Variants in KAZN observed in about 807,000 individuals in gnomAD.
KAZN encodes kazrin.
Under a neutral mutation model 87.4 loss-of-function variants are expected in KAZN, and 40 were observed. The observed-to-expected ratio is 0.46, with a 90% CI of 0.36 to 0.60. KAZN has a LOEUF of 0.60. KAZN is among the 20% of genes least tolerant of loss of function. KAZN has a pLI of 0.00. For missense variants in KAZN, 898 were observed against 1,073.9 expected, an observed-to-expected ratio of 0.84 and a Z score of 2.29; for synonymous variants, 466 against 458.3, an observed-to-expected ratio of 1.02 and a Z score of -0.22.
intron 2 of KAZN, among the ~76,000 whole-genome samples, chr1:14,992,639 G>A (rs1573002895): frequency 6.6e-6 from 1 of 152,012 alleles, no homozygotes; most frequent in Non-Finnish European, 1.5e-5. Context: ...AGCCTTTATT[G>A]TTTTTTTGTT....
At chr1:14,834,894 A>AAAG (rs1647177148) in intron 1 of KAZN, among the ~76,000 whole-genome samples, 1 of 152,192 alleles carries the variant, frequency 6.6e-6, no homozygotes, top group African/African-American at 2.4e-5. Flanking sequence ...CAGTAGATTT[A>AAAG]AAGTGCTGGT....
intron 1 of KAZN, among the ~76,000 whole-genome samples, chr1:14,098,914 A>G (rs1380607243): frequency 6.6e-6 from 1 of 152,202 alleles, no homozygotes; most frequent in East Asian, 1.9e-4. Flanking sequence ...TGGAATTCAG[A>G]GGCCAGGGAG....
intron 1 of KAZN, among the ~76,000 whole-genome samples, chr1:14,149,490 C>T (rs1374388271): frequency 2.0e-5 from 3 of 152,100 alleles, no homozygotes; most frequent in Non-Finnish European, 2.9e-5. Flanking sequence ...CAAGTCTTTC[C>T]GGAGTTCTGG....
chr1:14,847,958 C>A (rs183095494), intron 1 of KAZN, among the ~76,000 whole-genome samples: 3 of 152,052 alleles, frequency 2.0e-5, no homozygotes, highest in Non-Finnish European at 4.4e-5. Flanking sequence ...CCATCCTGGG[C>A]GACAGAGTGA....
chr1:14,725,997 C>T (rs1349897570), intron 1 of KAZN, among the ~76,000 whole-genome samples: 1 of 152,186 alleles, frequency 6.6e-6, no homozygotes, highest in African/African-American at 2.4e-5. Flanking sequence ...ACTGTTATCT[C>T]TTGGCTTCAG....
At chr1:14,228,859 A>G (rs1414823349) in intron 2 of KAZN, among the ~76,000 whole-genome samples, 1 of 152,224 alleles carries the variant, frequency 6.6e-6, no homozygotes, top group Admixed American at 6.5e-5. Flanking sequence ...TGTCATCTCC[A>G]TGCCATTAGG....
intron 2 of KAZN, among the ~76,000 whole-genome samples, chr1:14,241,419 T>A (rs1324212694): frequency 6.6e-6 from 1 of 152,178 alleles, no homozygotes; most frequent in Non-Finnish European, 1.5e-5. Flanking sequence ...TCTCTCTCTC[T>A]CCTACTGGCC....
At chr1:14,727,450 C>CTTTTT (rs57203868) in intron 1 of KAZN, among the ~76,000 whole-genome samples, 12 of 73,918 alleles carry the variant, frequency 1.6e-4, no homozygotes, top group Non-Finnish European at 2.6e-4. Flanking sequence ...TGTGCACTTT[C>CTTTTT]TTTTTTTTTT....
chr1:14,942,743 G>A (rs1661241700), intron 1 of KAZN, among the ~76,000 whole-genome samples: 1 of 152,172 alleles, frequency 6.6e-6, no homozygotes, highest in South Asian at 2.1e-4. Context: ...GGCACTTCTT[G>A]GGCTTAGAGC....
chr1:15,089,194 G>A (rs1010735774), intron 8 of KAZN, among the ~76,000 whole-genome samples: 2 of 152,126 alleles, frequency 1.3e-5, no homozygotes, highest in Non-Finnish European at 2.9e-5. Context: ...GGACTCAGGA[G>A]CAGCAGCCAA....
intron 4 of KAZN, among the ~76,000 whole-genome samples, chr1:15,052,580 GTA>G (rs1557759655): frequency 6.6e-6 from 1 of 152,022 alleles, no homozygotes; most frequent in African/African-American, 2.4e-5. Context: ...TATTGCATGT[GTA>G]TGTGTGTGCA....
chr1:14,127,628 A>C (rs1644902872), intron 1 of KAZN, among the ~76,000 whole-genome samples: 1 of 152,134 alleles, frequency 6.6e-6, no homozygotes, highest in Non-Finnish European at 1.5e-5. Flanking sequence ...GATAACAGAT[A>C]ACACTCTAAA....
intron 2 of KAZN, among the ~76,000 whole-genome samples, chr1:14,300,658 C>A (rs988628378): frequency 6.6e-6 from 1 of 152,182 alleles, no homozygotes; most frequent in Admixed American, 6.5e-5. Flanking sequence ...AAGCACACTG[C>A]ACATGAGACA....
At chr1:14,455,028 T>C (rs1294361193) in intron 2 of KAZN, among the ~76,000 whole-genome samples, 1 of 150,504 alleles carries the variant, frequency 6.6e-6, no homozygotes, top group African/African-American at 2.4e-5. Flanking sequence ...TCCATAGAGC[T>C]GCTCATGACT....
At chr1:14,008,664 A>G (rs1485033789) in intron 1 of KAZN, among the ~76,000 whole-genome samples, 1 of 152,182 alleles carries the variant, frequency 6.6e-6, no homozygotes, top group Non-Finnish European at 1.5e-5. Flanking sequence ...CTTTAAAGCT[A>G]TGCTTTCATT....
chr1:14,702,083 G>A (rs1641954508), intron 1 of KAZN, among the ~76,000 whole-genome samples: 1 of 152,162 alleles, frequency 6.6e-6, no homozygotes, highest in African/African-American at 2.4e-5. Context: ...TCTGCTTTCT[G>A]GTTACTCATC....
At chr1:14,842,205 T>G (rs1648101505) in intron 1 of KAZN, among the ~76,000 whole-genome samples, 1 of 152,256 alleles carries the variant, frequency 6.6e-6, no homozygotes, top group South Asian at 2.1e-4. Flanking sequence ...GTTCACTCTT[T>G]TATACCCAGC....
intron 1 of KAZN, among the ~76,000 whole-genome samples, chr1:14,795,934 C>T (rs539977313): frequency 5.3e-5 from 8 of 152,294 alleles, no homozygotes; most frequent in African/African-American, 1.9e-4. Context: ...CATTCTTCCT[C>T]CCCGGGGCCT....
intron 2 of KAZN, among the ~76,000 whole-genome samples, chr1:14,378,671 C>T (rs1408262378): frequency 6.6e-6 from 1 of 152,172 alleles, no homozygotes; most frequent in Admixed American, 6.5e-5. Context: ...TCAGCAGATG[C>T]CTGCCCGCAG....
Sources: allele counts gnomAD v4.1 joint callset (sites outside exome capture counted in the v4.1 genomes callset), GRCh38; gene constraint gnomAD v4.1.1; transcripts MANE v1.5; gene names NCBI Gene and HGNC (gene_info 2026-07-23, HGNC 2026-07-21).